ACADM: variants seen among roughly 807,000 people sequenced by gnomAD.
ACADM encodes acyl-CoA dehydrogenase medium chain.
Under a neutral mutation model 58.9 loss-of-function variants are expected in ACADM, and 49 were observed. The observed-to-expected ratio is 0.83, with a 90% CI of 0.66 to 1.06. The LOEUF (loss-of-function observed/expected upper bound fraction) is 1.06. ACADM is among the 50% of genes least tolerant of loss of function. ACADM has a pLI of 0.00. For synonymous variants in ACADM, 160 were observed against 157.7 expected (o/e 1.01, Z -0.11); for missense variants, 496 against 507.0 (o/e 0.98, Z 0.21).
Position 75,761,229 on chromosome 1 carries a change from C to G in ACADM, c.1053C>G (p.Thr351=). The G allele has an allele frequency of 6.2e-7, 1 of 1,614,152 alleles. No homozygotes were observed. Among genetic ancestry groups the G allele is most frequent in the Non-Finnish European group, 8.5e-7 (1 of 1,180,026 alleles). The change falls in exon 11 of 12, where the codon ACC becomes ACG. Residue 351 remains threonine, a synonymous_variant. Transcript: ENST00000370841. ...AGGTTGATTCTGGTCGTCGAAATACCTATTATGCTTCTATTGCAAAGGCAT... is the reference window on the plus strand; with the variant it reads ...AGGTTGATTCTGGTCGTCGAAATACGTATTATGCTTCTATTGCAAAGGCAT... ...AWEVDSGRRN[T]YYASIAKAFA...
intron 7 of ACADM, among the ~76,000 whole-genome samples, chr1:75,741,819 A>G (rs1647582813): frequency 6.6e-6 from 1 of 152,222 alleles, no homozygotes; most frequent in Non-Finnish European, 1.5e-5. Context: ...TTCGTGTACC[A>G]GGATATATAG....
intron 2 of ACADM, among the ~76,000 whole-genome samples, chr1:75,730,018 C>G (rs1647123583): frequency 6.6e-6 from 1 of 151,142 alleles, no homozygotes; most frequent in African/African-American, 2.4e-5. Context: ...CCTCAGCCAC[C>G]CAAGTAGCTG....
At position 75,724,855 on chromosome 1, in the gene ACADM, T is replaced by G. The variant is rs781666604; in HGVS notation, c.30+38T>G. The G allele has an allele frequency of 2.8e-6, 4 of 1,410,282 alleles. No individual in the cohort carries two copies. In the African/African-American group the frequency reaches 4.5e-5, roughly 16 times the overall value. 87.4% of individuals were successfully genotyped at this position (1,410,282 alleles called of 1,614,324 possible). ...CCAGCGGTGCGGTGGGGCTGGAACA[T>G]GGGTATTGTGGTGTCGGAGCAGGGG... On this transcript the variant is annotated intron_variant, in intron 1 of 11. Transcript: ENST00000370841.
chr1:75,727,052 C>G (rs867374745), intron 1 of ACADM, among the ~76,000 whole-genome samples: 1 of 152,102 alleles, frequency 6.6e-6, no homozygotes, highest in African/African-American at 2.4e-5. Context: ...ATCCGCCCAC[C>G]TCAGCCTCCC....
intron 1 of ACADM, among the ~76,000 whole-genome samples, chr1:75,726,867 C>T (rs1217289210): frequency 7.0e-6 from 1 of 142,404 alleles, no homozygotes; most frequent in Non-Finnish European, 1.5e-5. Context: ...TGCAATGGTG[C>T]AGTCTAGGCT....
chr1:75,734,553 A>G (rs1299389992), intron 5 of ACADM: 8 of 482,646 alleles, frequency 1.7e-5, no homozygotes, highest in Middle Eastern at 5.8e-4. Context: ...GCATTTCACT[A>G]TAGTAGATTT....
At chr1:75,749,375 T>A (rs1383137352) in intron 8 of ACADM, 44 bp from the exon 9 acceptor site, 18 of 1,607,276 alleles carry the variant, frequency 1.1e-5, no homozygotes, top group Non-Finnish European at 1.5e-5. Flanking sequence ...AAATTGATGC[T>A]GGCTCAAAAA....
chr1:75,745,930 A>G lies in ACADM; in HGVS notation c.708+16A>G. The G allele has an allele frequency of 6.6e-7, 1 of 1,523,330 alleles. No homozygotes were observed. Among genetic ancestry groups the G allele is most frequent in the Non-Finnish European group, 9.1e-7 (1 of 1,097,646 alleles). The allele number at this position is 1,523,330 out of a possible 1,614,324, so 94.4% of individuals were successfully genotyped here. A position where few individuals can be genotyped will look rare whatever the true frequency, so the allele number is the denominator to read the frequency against. ...TGGGAGAAAGGTAAAGTATTTATTA[A>G]TGATTAGGGCCCCAAATATTATTTT... On this transcript the variant is annotated intron_variant, in intron 8 of 11. Coordinates refer to ENST00000370841, the MANE Select transcript of ACADM (RefSeq NM_000016.6).
At chr1:75,730,326 A>G (rs2100354526) in intron 2 of ACADM, among the ~76,000 whole-genome samples, 1 of 152,234 alleles carries the variant, frequency 6.6e-6, no homozygotes, top group South Asian at 2.1e-4. Context: ...GATGAGTTAG[A>G]TATAATTGTT....
chr1:75,755,538 G>C (rs893059397), intron 10 of ACADM, among the ~76,000 whole-genome samples: 1 of 152,224 alleles, frequency 6.6e-6, no homozygotes, highest in African/African-American at 2.4e-5. Flanking sequence ...CAGACCTGCA[G>C]CTGAGGGTCC....
At chr1:75,744,572 C>A in intron 7 of ACADM, 1 of 1,374,912 alleles carries the variant, frequency 7.3e-7, no homozygotes, top group Non-Finnish European at 1.0e-6. Flanking sequence ...GTAACCAAGT[C>A]ATACTTGCAT....
At chr1:75,759,909 CCTCGGCCT>C (rs1648730881) in intron 10 of ACADM, among the ~76,000 whole-genome samples, 2 of 151,864 alleles carry the variant, frequency 1.3e-5, no homozygotes, top group South Asian at 4.1e-4. Flanking sequence ...GATCTGCCCG[CCTCGGCCT>C]CTCAAAGTGC....
chr1:75,757,660 G>A (rs1648586722), intron 10 of ACADM, among the ~76,000 whole-genome samples: 1 of 152,166 alleles, frequency 6.6e-6, no homozygotes, highest in Admixed American at 6.5e-5. Context: ...ATTTCTCAAG[G>A]ATCTAGAACT....
At chr1:75,742,812 T>C (rs1647652853) in intron 7 of ACADM, among the ~76,000 whole-genome samples, 1 of 152,144 alleles carries the variant, frequency 6.6e-6, no homozygotes, top group Non-Finnish European at 1.5e-5. Context: ...TCTCCTCCCA[T>C]TCACACACCC....
intron 2 of ACADM, among the ~76,000 whole-genome samples, chr1:75,730,747 A>G (rs893883251): frequency 2.0e-5 from 3 of 151,672 alleles, no homozygotes; most frequent in African/African-American, 7.3e-5. Flanking sequence ...GGCTGGCCCC[A>G]AACTCCTGGC....
rs924152371 is a variant in ACADM, at chr1:75,743,519, T to C, written c.600-2287T>C. 12 of 1,608,200 alleles carry C rather than the reference T, an allele frequency of 7.5e-6. No homozygotes were observed. In the African/African-American group the frequency reaches 1.2e-4, roughly 16 times the overall value. On this transcript the variant is annotated intron_variant, in intron 7 of 11. Coordinates refer to ENST00000370841, the MANE Select transcript of ACADM (RefSeq NM_000016.6). The stretch of plus-strand genomic sequence containing the variant: ...CCATCAATCAGCCGGTGATCATAGG[T>C]CAGTGCCACGTACATCATGGGCTGC...
chr1:75,754,500 G>A (rs1177164535), intron 10 of ACADM, among the ~76,000 whole-genome samples: 2 of 152,154 alleles, frequency 1.3e-5, no homozygotes, highest in Non-Finnish European at 2.9e-5. Flanking sequence ...GAGCCACCGT[G>A]TCCAGCCACT....
chr1:75,726,179 G>A (rs1257662980), intron 1 of ACADM, among the ~76,000 whole-genome samples: 1 of 152,104 alleles, frequency 6.6e-6, no homozygotes, highest in Non-Finnish European at 1.5e-5. Context: ...AGGCCTCGGC[G>A]GGTTGATCAC....
chr1:75,761,218 C>T lies in ACADM; in HGVS notation c.1042C>T (p.Arg348Cys), dbSNP rs1648832587. The T allele has an allele frequency of 5.6e-6, 9 of 1,613,952 alleles. No individual in the cohort carries two copies. Among genetic ancestry groups the T allele is most frequent in the Non-Finnish European group, 6.8e-6 (8 of 1,180,004 alleles). ...AGCAGCTTGGGAGGTTGATTCTGGTCGTCGAAATACCTATTATGCTTCTAT... is the reference window on the plus strand; with the variant it reads ...AGCAGCTTGGGAGGTTGATTCTGGTTGTCGAAATACCTATTATGCTTCTAT... Reference protein sequence around the residue: ...QRAAWEVDSGRRNTYYASIAK... With the variant: ...QRAAWEVDSGCRNTYYASIAK... Residue 348 changes from arginine (R) to cysteine (C), a missense_variant, in exon 11 of 12, where the codon CGT becomes TGT. Transcript: ENST00000370841.
Sources: allele counts gnomAD v4.1 joint callset (sites outside exome capture counted in the v4.1 genomes callset), GRCh38; gene constraint gnomAD v4.1.1; transcripts MANE v1.5; gene names NCBI Gene and HGNC (gene_info 2026-07-23, HGNC 2026-07-21).